Variants in NKAIN2 observed in about 807,000 individuals in gnomAD.
The protein encoded by NKAIN2 is sodium/potassium transporting ATPase interacting 2, also known as sodium/potassium-transporting ATPase subunit beta-1-interacting protein 2.
NKAIN2 carries 14 observed loss-of-function variants against 32.6 expected under a neutral mutation model. That is an observed-to-expected ratio of 0.43 (90% CI 0.28 to 0.67). The LOEUF (loss-of-function observed/expected upper bound fraction) is 0.67, where lower values mean the gene tolerates loss of function less well. Ranked by LOEUF, NKAIN2 falls within the 30% of genes least tolerant of loss-of-function variation. NKAIN2 has a pLI of 0.17. For missense variants in NKAIN2, 198 were observed against 258.3 expected (o/e 0.77, Z 1.60); for synonymous variants, 80 against 87.2 (o/e 0.92, Z 0.46).
chr6:124,558,360 A>G (rs534720475), intron 3 of NKAIN2, among the ~76,000 whole-genome samples: 2 of 152,310 alleles, frequency 1.3e-5, no homozygotes, highest in South Asian at 4.2e-4. Flanking sequence ...GGCAACATTT[A>G]TAGATTCTAG....
intron 3 of NKAIN2, among the ~76,000 whole-genome samples, chr6:124,524,080 C>T (rs1218665124): frequency 6.6e-6 from 1 of 152,068 alleles, no homozygotes; most frequent in Non-Finnish European, 1.5e-5. Context: ...ACTACTTTTT[C>T]AGATGTTGTA....
chr6:124,012,140 C>T (rs929202314), intron 1 of NKAIN2, among the ~76,000 whole-genome samples: 3 of 151,808 alleles, frequency 2.0e-5, no homozygotes, highest in Non-Finnish European at 1.5e-5. Context: ...AAATCATTAC[C>T]ATAATCAAGA....
chr6:124,685,507 G>C (rs1384331334), intron 4 of NKAIN2, among the ~76,000 whole-genome samples: 2 of 152,066 alleles, frequency 1.3e-5, no homozygotes, highest in Admixed American at 1.3e-4. Flanking sequence ...ATTTTTATGA[G>C]GATAACAATA....
chr6:124,064,983 C>G (rs1201139214), intron 1 of NKAIN2, among the ~76,000 whole-genome samples: 4 of 152,026 alleles, frequency 2.6e-5, no homozygotes, highest in Non-Finnish European at 5.9e-5. Flanking sequence ...GTAGTAGGCC[C>G]TGGTACTGAG....
At chr6:124,241,315 G>C (rs1488738924) in intron 1 of NKAIN2, among the ~76,000 whole-genome samples, 1 of 152,136 alleles carries the variant, frequency 6.6e-6, no homozygotes, top group African/African-American at 2.4e-5. Context: ...TGGCCATACT[G>C]TCCAAAGTAA....
At chr6:124,226,676 A>G (rs888635466) in intron 1 of NKAIN2, among the ~76,000 whole-genome samples, 5 of 152,026 alleles carry the variant, frequency 3.3e-5, no homozygotes, top group South Asian at 2.1e-4. Context: ...TCTTTGACAA[A>G]AAGTTATATT....
intron 3 of NKAIN2, among the ~76,000 whole-genome samples, chr6:124,643,297 G>A (rs1277771931): frequency 6.6e-6 from 1 of 152,064 alleles, no homozygotes; most frequent in Non-Finnish European, 1.5e-5. Flanking sequence ...ATAAGTATAA[G>A]GCTACATATT....
intron 3 of NKAIN2, among the ~76,000 whole-genome samples, chr6:124,411,665 G>A (rs9491168): frequency 0.054 from 8,152 of 151,910 alleles, 445 homozygotes; most frequent in African/African-American, 0.17. Context: ...GTGTCTTGGC[G>A]TTGCTCTTCT....
chr6:124,552,041 A>C (rs541436740), intron 3 of NKAIN2, among the ~76,000 whole-genome samples: 34 of 152,350 alleles, frequency 2.2e-4, no homozygotes, highest in Non-Finnish European at 4.6e-4. Flanking sequence ...CAGAAGTCTC[A>C]GATGTGGCTT....
intron 2 of NKAIN2, among the ~76,000 whole-genome samples, chr6:124,309,119 C>G (rs1309781693): frequency 1.3e-5 from 2 of 152,160 alleles, no homozygotes; most frequent in African/African-American, 4.8e-5. Flanking sequence ...CTGAAAGATC[C>G]TGAAGCTCAC....
chr6:124,436,624 A>G (rs528041631), intron 3 of NKAIN2, among the ~76,000 whole-genome samples: 40 of 152,160 alleles, frequency 2.6e-4, no homozygotes, highest in African/African-American at 9.6e-4. Context: ...GCCCACTCCA[A>G]TCCTAGAGCA....
At chr6:124,482,042 G>T (rs1777473332) in intron 3 of NKAIN2, among the ~76,000 whole-genome samples, 1 of 152,052 alleles carries the variant, frequency 6.6e-6, no homozygotes, top group African/African-American at 2.4e-5. Context: ...AAAAACCAAA[G>T]CAATTTAAAT....
At chr6:124,758,146 C>A (rs184300653) in intron 4 of NKAIN2, among the ~76,000 whole-genome samples, 8 of 152,194 alleles carry the variant, frequency 5.3e-5, no homozygotes, top group African/African-American at 1.7e-4. Context: ...GACTCCAGTT[C>A]TAACAACCTG....
At chr6:124,132,885 G>A (rs1309643209) in intron 1 of NKAIN2, among the ~76,000 whole-genome samples, 6 of 152,220 alleles carry the variant, frequency 3.9e-5, no homozygotes, top group Non-Finnish European at 8.8e-5. Flanking sequence ...CTCTCAGGGA[G>A]CCCCATCTCT....
At chr6:124,349,869 G>T (rs1184942695) in intron 2 of NKAIN2, among the ~76,000 whole-genome samples, 1 of 152,170 alleles carries the variant, frequency 6.6e-6, no homozygotes, top group Non-Finnish European at 1.5e-5. Flanking sequence ...TTTTTCAGCT[G>T]ATAGTTTTAA....
At chr6:124,791,567 C>A (rs375560018) in intron 5 of NKAIN2, among the ~76,000 whole-genome samples, 168 bp downstream of exon 5, 1 of 152,108 alleles carries the variant, frequency 6.6e-6, no homozygotes, top group Admixed American at 6.6e-5. Context: ...CAGTATCCAG[C>A]AAACTGAAGA....
chr6:124,810,551 T>C (rs1009046094), intron 5 of NKAIN2, among the ~76,000 whole-genome samples: 7 of 152,044 alleles, frequency 4.6e-5, no homozygotes, highest in Admixed American at 2.0e-4. Context: ...AGTTAGTGGG[T>C]GCAGCACACC....
In NKAIN2 at chr6:124,456,237, A is replaced by T. The variant is rs188560027; in HGVS notation, c.273+100890A>T. Reference sequence around the variant, plus strand: ...TTTATTTCTCTCACAGACCAGTGGGAAGTATTCCATTCTGTAATGTACCAA... The same window carrying T: ...TTTATTTCTCTCACAGACCAGTGGGTAGTATTCCATTCTGTAATGTACCAA... On this transcript the variant is annotated intron_variant, in intron 3 of 6. Transcript: ENST00000368417. Among the ~76,000 whole-genome samples, 22 of 152,038 alleles carry T rather than the reference A, an allele frequency of 1.4e-4. No individual in the cohort carries two copies. In the East Asian group the frequency reaches 3.9e-3, roughly 27 times the overall value.
intron 1 of NKAIN2, among the ~76,000 whole-genome samples, chr6:123,850,548 TAGA>T (rs1202164726): frequency 6.6e-6 from 1 of 152,130 alleles, no homozygotes; most frequent in African/African-American, 2.4e-5. Context: ...GCTAATTTAG[TAGA>T]AGGTCTTCTT....
Sources: allele counts gnomAD v4.1 joint callset (sites outside exome capture counted in the v4.1 genomes callset), GRCh38; gene constraint gnomAD v4.1.1; transcripts MANE v1.5; gene names NCBI Gene and HGNC (gene_info 2026-07-23, HGNC 2026-07-21).